GALNT17: variants seen among roughly 807,000 people sequenced by gnomAD.
GALNT17 encodes the protein UDP-GalNAc:polypeptide N-acetylgalactosaminyltransferase-like 3.
Under a neutral mutation model 63.7 loss-of-function variants are expected in GALNT17, and 29 were observed. The observed-to-expected ratio is 0.46, with a 90% CI of 0.34 to 0.62. The LOEUF (loss-of-function observed/expected upper bound fraction) is 0.62. Among genes scored for constraint, GALNT17 ranks in the 20% least tolerant of loss-of-function variants. The probability of loss-of-function intolerance (pLI) is 0.01; values close to 1 mark genes in which losing one functional copy is unlikely to be tolerated. For synonymous variants in GALNT17, 305 were observed against 318.3 expected, an observed-to-expected ratio of 0.96 and a Z score of 0.45; for missense variants, 603 against 799.6, an observed-to-expected ratio of 0.75 and a Z score of 2.97.
At position 71,483,950 on chromosome 7, in the gene GALNT17, A is replaced by G. The variant is rs556100139; in HGVS notation, c.962+62845A>G. ...GGCCTACACAGGGTCAGGATCGTCA[A>G]TATCACCATCTTCCACCTTCTTGTC... On this transcript the variant is annotated intron_variant, in intron 5 of 10. Transcript: ENST00000333538. Among the ~76,000 whole-genome samples, 10 of 152,274 alleles carry G rather than the reference A, an allele frequency of 6.6e-5. No individual in the cohort carries two copies. The South Asian group carries it at 1.7e-3, about 25-fold the overall frequency.
rs151033719 is a variant in GALNT17, at chr7:71,376,275, A to G, written c.423-11960A>G. Among the ~76,000 whole-genome samples the G allele has an allele frequency of 1.2e-4, 19 of 152,064 alleles. No individual in the cohort carries two copies. In the East Asian group the frequency reaches 3.7e-3, roughly 29 times the overall value. On this transcript the variant is annotated intron_variant, in intron 2 of 10. Coordinates refer to ENST00000333538, the MANE Select transcript of GALNT17 (RefSeq NM_022479.3). ...AGGTTATAGGATTGAATACTATGTA[A>G]GAATAACGTAGGCAGCATTTCCTGT...
intron 5 of GALNT17, among the ~76,000 whole-genome samples, chr7:71,457,158 C>G (rs1325341564): frequency 6.6e-6 from 1 of 152,156 alleles, no homozygotes; most frequent in East Asian, 1.9e-4. Flanking sequence ...ATAAGCTATC[C>G]GTTTACATTG....
intron 5 of GALNT17, among the ~76,000 whole-genome samples, chr7:71,559,379 G>A (rs1401938810): frequency 6.6e-6 from 1 of 152,186 alleles, no homozygotes; most frequent in East Asian, 1.9e-4. Flanking sequence ...CTGCCAGTGT[G>A]AGATGATCTG....
chr7:71,338,113 A>G (rs960401342), intron 2 of GALNT17, among the ~76,000 whole-genome samples: 3 of 151,744 alleles, frequency 2.0e-5, no homozygotes, highest in African/African-American at 7.3e-5. Flanking sequence ...GGATCACGAG[A>G]TCAGGAGATC....
chr7:71,707,583 A>T (rs1475715360), intron 9 of GALNT17, among the ~76,000 whole-genome samples: 1 of 152,186 alleles, frequency 6.6e-6, no homozygotes, highest in Non-Finnish European at 1.5e-5. Context: ...GGTCAGCTGG[A>T]TGGTTCTCTG....
intron 1 of GALNT17, among the ~76,000 whole-genome samples, chr7:71,181,114 G>C (rs569832887): frequency 9.9e-5 from 15 of 152,052 alleles, no homozygotes; most frequent in African/African-American, 3.4e-4. Context: ...AATTAACCGA[G>C]TGTGGTGGTG....
At chr7:71,240,244 T>C (rs1023673795) in intron 1 of GALNT17, among the ~76,000 whole-genome samples, 1 of 152,244 alleles carries the variant, frequency 6.6e-6, no homozygotes, top group African/African-American at 2.4e-5. Context: ...AGATATAATC[T>C]CAGATATCAA....
At chr7:71,470,035 C>A (rs1787602008) in intron 5 of GALNT17, among the ~76,000 whole-genome samples, 2 of 152,090 alleles carry the variant, frequency 1.3e-5, no homozygotes, top group African/African-American at 4.8e-5. Flanking sequence ...ATGGTGAAAC[C>A]CTGTCTCTAC....
chr7:71,218,026 G>A (rs962889140), intron 1 of GALNT17, among the ~76,000 whole-genome samples: 5 of 152,076 alleles, frequency 3.3e-5, no homozygotes, highest in African/African-American at 7.2e-5. Flanking sequence ...GTAATGTATC[G>A]TGCAACTTTC....
intron 1 of GALNT17, among the ~76,000 whole-genome samples, chr7:71,212,239 C>T (rs1230377590): frequency 6.6e-6 from 1 of 152,240 alleles, no homozygotes; most frequent in Non-Finnish European, 1.5e-5. Flanking sequence ...ACATACAGCT[C>T]AGGCTGTGGC....
At chr7:71,358,752 C>CTT (rs1055657956) in intron 2 of GALNT17, among the ~76,000 whole-genome samples, 6 of 151,938 alleles carry the variant, frequency 3.9e-5, no homozygotes, top group African/African-American at 1.2e-4. Context: ...GCTTTTCTTT[C>CTT]TTTTTTCTTT....
intron 2 of GALNT17, among the ~76,000 whole-genome samples, chr7:71,349,150 G>A (rs1421097960): frequency 6.6e-6 from 1 of 152,230 alleles, no homozygotes; most frequent in Non-Finnish European, 1.5e-5. Context: ...GCCTGTTTAT[G>A]TGTGGAGTTC....
At chr7:71,233,757 A>G (rs886942001) in intron 1 of GALNT17, among the ~76,000 whole-genome samples, 2 of 152,140 alleles carry the variant, frequency 1.3e-5, no homozygotes, top group African/African-American at 2.4e-5. Context: ...GCACACATGT[A>G]TTAGTCCATT....
At chr7:71,302,764 T>G (rs7791172) in intron 1 of GALNT17, among the ~76,000 whole-genome samples, 151,526 of 152,322 alleles carry the variant, frequency 0.99, 75,369 homozygotes, top group East Asian at 1. Flanking sequence ...AACTTCCCCC[T>G]TTCAACATGG....
At chr7:71,341,430 T>G (rs936075438) in intron 2 of GALNT17, among the ~76,000 whole-genome samples, 1 of 152,034 alleles carries the variant, frequency 6.6e-6, no homozygotes, top group Non-Finnish European at 1.5e-5. Flanking sequence ...GCTTTCAGAT[T>G]AGAAGATCCC....
intron 1 of GALNT17, among the ~76,000 whole-genome samples, chr7:71,228,945 C>T (rs1324784665): frequency 6.6e-6 from 1 of 152,102 alleles, no homozygotes; most frequent in Non-Finnish European, 1.5e-5. Flanking sequence ...TTGATCCTAC[C>T]TGGCCAATAC....
In GALNT17 at chr7:71,466,354, T is replaced by C. The variant is rs1320977122; in HGVS notation, c.962+45249T>C. Among the ~76,000 whole-genome samples, 3 of 151,878 alleles carry C rather than the reference T, an allele frequency of 2.0e-5. No homozygotes were observed. In the East Asian group the frequency reaches 5.8e-4, roughly 29 times the overall value. ...CAAATGACCAGCATTGGTGTTAAAA[T>C]AGAGATCATAAGACTGACAAAACAG... is the stretch of plus-strand genomic sequence containing the variant. On this transcript the variant is annotated intron_variant, in intron 5 of 10. Coordinates refer to ENST00000333538, the MANE Select transcript of GALNT17 (RefSeq NM_022479.3).
chr7:71,151,431 C>A (rs955002620), intron 1 of GALNT17, among the ~76,000 whole-genome samples: 1 of 151,984 alleles, frequency 6.6e-6, no homozygotes, highest in Non-Finnish European at 1.5e-5. Context: ...ACCATCCTGG[C>A]TAACATGGTG....
chr7:71,575,804 A>G lies in GALNT17; in HGVS notation c.1080+4402A>G, dbSNP rs1007139252. Among the ~76,000 whole-genome samples the G allele has an allele frequency of 6.6e-5, 10 of 152,302 alleles. No individual in the cohort carries two copies. In the South Asian group the frequency reaches 2.1e-3, roughly 32 times the overall value. On this transcript the variant is annotated intron_variant, in intron 6 of 10. Coordinates refer to ENST00000333538, the MANE Select transcript of GALNT17 (RefSeq NM_022479.3). ...AGTAAAGATCTGTCAGAAGAACACA[A>G]GAATAGAAAGTCTTACTGTGAACAA...
Sources: gnomAD v4.1 joint callset for allele counts (sites outside exome capture counted in the v4.1 genomes callset) on GRCh38, gnomAD v4.1.1 for gene constraint, MANE v1.5 for transcripts, NCBI Gene and HGNC (gene_info 2026-07-23, HGNC 2026-07-21) for gene names.